Variants in MECOM observed in about 807,000 individuals in gnomAD.
MECOM encodes histone-lysine N-methyltransferase MECOM.
A neutral mutation model predicts 116.3 loss-of-function variants in MECOM; 13 were observed. The ratio of observed to expected loss-of-function variants is 0.11; its 90% CI spans 0.07 to 0.18. The LOEUF (loss-of-function observed/expected upper bound fraction) is 0.18. Among genes scored for constraint, MECOM ranks in the 10% least tolerant of loss-of-function variants. MECOM has a pLI of 1.00. For missense variants in MECOM, 1,299 were observed against 1,509.0 expected (o/e 0.86, Z 2.31); for synonymous variants, 528 against 535.2 (o/e 0.99, Z 0.19).
At chr3:169,544,598 T>C (rs1484300937) in intron 1 of MECOM, among the ~76,000 whole-genome samples, 1 of 152,154 alleles carries the variant, frequency 6.6e-6, no homozygotes, top group Non-Finnish European at 1.5e-5. Context: ...CTATTTACAA[T>C]AGCAAAGACG....
At chr3:169,277,220 A>G (rs1759704679) in intron 2 of MECOM, among the ~76,000 whole-genome samples, 1 of 152,186 alleles carries the variant, frequency 6.6e-6, no homozygotes, top group African/African-American at 2.4e-5. Flanking sequence ...TTACAGGTGA[A>G]GGGTATTCAA....
At chr3:169,662,310 T>C (rs1466366177) in intron 1 of MECOM, among the ~76,000 whole-genome samples, 4 of 152,212 alleles carry the variant, frequency 2.6e-5, no homozygotes, top group East Asian at 1.9e-4. Context: ...GAGGCTGCGC[T>C]GCGCCCTCTC....
At chr3:169,487,669 A>G (rs1052869086) in intron 1 of MECOM, among the ~76,000 whole-genome samples, 6 of 152,066 alleles carry the variant, frequency 3.9e-5, no homozygotes, top group African/African-American at 1.2e-4. Context: ...AAATAAATCC[A>G]AACAGATCTC....
intron 1 of MECOM, among the ~76,000 whole-genome samples, chr3:169,471,790 T>TTTTCTCCTTGTAAGTTCCC (rs1749290996): frequency 6.6e-6 from 1 of 152,208 alleles, no homozygotes; most frequent in Non-Finnish European, 1.5e-5. Context: ...CCTCTTCTGT[T>TTTTCTCCTTGTAAGTTCCC]TTTCTCCTTG....
chr3:169,319,094 T>A (rs1577698100), intron 2 of MECOM, among the ~76,000 whole-genome samples: 1 of 145,718 alleles, frequency 6.9e-6, no homozygotes, highest in African/African-American at 2.6e-5. Context: ...TGAGACTCTG[T>A]CTAAAAAAAA....
chr3:169,601,519 G>A (rs1767829896), intron 1 of MECOM, among the ~76,000 whole-genome samples: 2 of 152,204 alleles, frequency 1.3e-5, no homozygotes, highest in Non-Finnish European at 2.9e-5. Flanking sequence ...GTTCCAGAAG[G>A]ATGGTCCTGC....
chr3:169,346,187 C>T (rs1041427545), intron 2 of MECOM, among the ~76,000 whole-genome samples: 3 of 152,070 alleles, frequency 2.0e-5, no homozygotes, highest in South Asian at 2.1e-4. Flanking sequence ...CATGTCAGCA[C>T]GAAGCTAGTA....
rs563122825 is a variant in MECOM, at chr3:169,369,789, T to C, written c.375+11398A>G. 2.6e-5 allele frequency among the ~76,000 whole-genome samples: 4 copies of C among 152,234 alleles called. No homozygotes were observed. In the South Asian group the frequency reaches 8.3e-4, roughly 32 times the overall value. ...GTTTTTAATTTCTCACAAGATAAAA[T>C]TGAATATCCAAACTATATTTACTAT... On this transcript the variant is annotated intron_variant, in intron 2 of 16. Transcript: ENST00000651503.
Position 169,386,012 on chromosome 3 carries a change from T to C in MECOM, c.38-4488A>G, listed in dbSNP as rs143891896. 4.3e-4 allele frequency among the ~76,000 whole-genome samples: 65 copies of C among 152,324 alleles called. 1 individual carries two copies. The highest frequency in any genetic ancestry group is 1.5e-3 in the African/African-American group (62 of 41,566). On this transcript the variant is annotated intron_variant, in intron 1 of 16. Coordinates refer to ENST00000651503, the MANE Select transcript of MECOM (RefSeq NM_004991.4). ...GAGGAAAGAAAGACAAGCATATTGTTGGATTTGAGACAAATGATTTGGGAA... is the reference window on the plus strand; with the variant it reads ...GAGGAAAGAAAGACAAGCATATTGTCGGATTTGAGACAAATGATTTGGGAA...
intron 1 of MECOM, among the ~76,000 whole-genome samples, chr3:169,619,017 A>T (rs964177830): frequency 6.9e-4 from 96 of 139,846 alleles, no homozygotes; most frequent in Admixed American, 2.8e-4. Flanking sequence ...CTAAACATTT[A>T]AAAAAAAAAA....
chr3:169,456,202 A>G (rs894009027), intron 1 of MECOM, among the ~76,000 whole-genome samples: 11 of 152,320 alleles, frequency 7.2e-5, no homozygotes, highest in African/African-American at 2.4e-4. Flanking sequence ...ACCCACCACT[A>G]CATGAGTCTT....
chr3:169,221,787 A>C (rs1283207389), intron 2 of MECOM, among the ~76,000 whole-genome samples: 1 of 152,110 alleles, frequency 6.6e-6, no homozygotes, highest in Non-Finnish European at 1.5e-5. Context: ...TATCCACTTC[A>C]TTCACTCGTT....
chr3:169,485,289 C>T (rs1330141727), intron 1 of MECOM, among the ~76,000 whole-genome samples: 3 of 152,078 alleles, frequency 2.0e-5, no homozygotes, highest in Non-Finnish European at 2.9e-5. Context: ...ACCACTGCAC[C>T]CAGCCGCTCT....
intron 2 of MECOM, among the ~76,000 whole-genome samples, chr3:169,155,667 A>G (rs926432441): frequency 1.3e-5 from 2 of 152,194 alleles, no homozygotes; most frequent in Non-Finnish European, 2.9e-5. Flanking sequence ...CCCCTAATCC[A>G]AAATGCAATC....
chr3:169,199,091 A>G (rs1441473107), intron 2 of MECOM, among the ~76,000 whole-genome samples: 1 of 152,114 alleles, frequency 6.6e-6, no homozygotes, highest in Admixed American at 6.6e-5. Context: ...TGTCAATTTA[A>G]AACTGATATT....
rs562222449 is a variant in MECOM, at chr3:169,501,426, T to C, written c.38-119902A>G. On this transcript the variant is annotated intron_variant, in intron 1 of 16. Coordinates refer to ENST00000651503, the MANE Select transcript of MECOM (RefSeq NM_004991.4). ...ATTTTACATTCAAGATATAATGATGTTCTACTTCTACTTAATATTTTTATC... is the reference window on the plus strand; with the variant it reads ...ATTTTACATTCAAGATATAATGATGCTCTACTTCTACTTAATATTTTTATC... 1.8e-4 allele frequency among the ~76,000 whole-genome samples: 27 copies of C among 152,162 alleles called. No homozygotes were observed. The East Asian group carries it at 4.6e-3, about 26-fold the overall frequency.
At chr3:169,633,612 CCA>C (rs752630168) in intron 1 of MECOM, among the ~76,000 whole-genome samples, 1 of 151,942 alleles carries the variant, frequency 6.6e-6, no homozygotes, top group Non-Finnish European at 1.5e-5. Flanking sequence ...AATAATTCAC[CCA>C]CACACACACT....
intron 1 of MECOM, among the ~76,000 whole-genome samples, chr3:169,505,300 G>C: frequency 7.6e-6 from 1 of 130,994 alleles, no homozygotes; most frequent in South Asian, 2.3e-4. Flanking sequence ...CTTAATCTTA[G>C]AGCAGGAATT....
chr3:169,576,838 C>CACACACAGAG (rs368016499), intron 1 of MECOM, among the ~76,000 whole-genome samples: 8 of 125,010 alleles, frequency 6.4e-5, no homozygotes, highest in Non-Finnish European at 1.2e-4. Context: ...CACACACACA[C>CACACACAGAG]AGAGAGAGAG....
Sources: gnomAD v4.1 joint callset for allele counts (sites outside exome capture counted in the v4.1 genomes callset) on GRCh38, gnomAD v4.1.1 for gene constraint, MANE v1.5 for transcripts, NCBI Gene and HGNC (gene_info 2026-07-23, HGNC 2026-07-21) for gene names.